Variants in ZZEF1 observed in about 807,000 individuals in gnomAD.
The protein encoded by ZZEF1 is zinc finger ZZ-type and EF-hand domain-containing protein 1.
ZZEF1 carries 157 observed loss-of-function variants against 342.8 expected under a neutral mutation model. The ratio of observed to expected loss-of-function variants is 0.46; its 90% CI spans 0.40 to 0.52. ZZEF1 has a LOEUF of 0.52. ZZEF1 is among the 20% of genes least tolerant of loss of function. ZZEF1 has a pLI of 0.00. For synonymous variants in ZZEF1, 1,505 were observed against 1,429.1 expected (o/e 1.05, Z -1.20); for missense variants, 3,480 against 3,725.6 (o/e 0.93, Z 1.72).
chr17:4,077,847 G>A (rs181481274), intron 19 of ZZEF1, 36 bp downstream of exon 19: 49 of 1,605,490 alleles, frequency 3.1e-5, no homozygotes, highest in Admixed American at 1.0e-4. Context: ...AAACCCAAAC[G>A]CCATCTGTTT....
At position 4,105,813 on chromosome 17, in the gene ZZEF1, G is replaced by A; in HGVS notation, c.1278-4C>T. 1.3e-6 allele frequency: 2 copies of A among 1,593,240 alleles called. No homozygotes were observed. The highest frequency in any genetic ancestry group is 1.7e-6 in the Non-Finnish European group (2 of 1,173,838). ...AGGCATGTGCCGCAGCGCCTTCCTA[G>A]AAGAGGAAAATGTAAAATGTAATCA... On this transcript the variant is annotated splice_region_variant and splice_polypyrimidine_tract_variant and intron_variant, in intron 6 of 54. Transcript: ENST00000381638.
At chr17:4,077,752 C>T (rs1485673109) in intron 19 of ZZEF1, 131 bp downstream of exon 19, 3 of 983,192 alleles carry the variant, frequency 3.1e-6, no homozygotes, top group Non-Finnish European at 4.5e-6. Context: ...TTAGACCAAA[C>T]CAGTCCAAGA....
rs2056263139 is a variant in ZZEF1 at position 4,021,285 on chromosome 17, C to G, written c.7248G>C (p.Glu2416Asp). The G allele has an allele frequency of 6.2e-7, 1 of 1,613,926 alleles. No individual in the cohort carries two copies. The highest frequency in any genetic ancestry group is 8.5e-7 in the Non-Finnish European group (1 of 1,179,990). ...LSIMLYSSKK[E>D]INALAEHGDL... ...CTCCGTGCTCAGCCAAAGCGTTGAT[C>G]TCCTTTTTTGAGGAGTACAGCATGA... The change falls in exon 45 of 55, where the codon GAG (glutamate) becomes GAC (aspartate). Residue 2416 changes from glutamate to aspartate, a missense_variant. Around this residue, in one of 5 missense-constraint regions of ZZEF1, gnomAD observed 1,269 missense variants for 1,342.4 expected, o/e 0.95. Transcript: ENST00000381638.
Position 4,042,421 on chromosome 17 carries a change from G to A in ZZEF1, c.6306+8C>T. The stretch of plus-strand genomic sequence containing the variant: ...CCACCCCCACTTTTAAAAATAAATT[G>A]CCCTTACCGACTTTAAGGGAGGTAA... On this transcript the variant is annotated splice_region_variant and intron_variant, in intron 39 of 54. Transcript: ENST00000381638. 6.2e-7 allele frequency: 1 copy of A among 1,606,934 alleles called. No homozygotes were observed. Among genetic ancestry groups the A allele is most frequent in the Non-Finnish European group, 8.5e-7 (1 of 1,177,718 alleles).
chr17:4,066,375 A>T, intron 28 of ZZEF1, 72 bp downstream of exon 28: 1 of 1,286,064 alleles, frequency 7.8e-7, no homozygotes, highest in Non-Finnish European at 1.1e-6. Context: ...CTAGAAGGTG[A>T]GTAATTGGTT....
At position 4,008,156 on chromosome 17, in the gene ZZEF1, A is replaced by G. The variant is rs7221546; in HGVS notation, c.8805+727T>C. On this transcript the variant is annotated intron_variant, in intron 54 of 54. Transcript: ENST00000381638. This position sits in a 1 kb window ranked among gnomAD's most constrained non-coding sequence, Gnocchi z 4.2. ...GACTGACTGCAGAAGCAGACATGAG[A>G]ACATGAGAATCCAGCTGTCTTCTAC... 73,693 of 152,024 alleles carry G rather than the reference A, an allele frequency of 0.48. 20,339 individuals are homozygous for G. The highest frequency in any genetic ancestry group is 0.77 in the African/African-American group (31,894 of 41,468). 9.4% of individuals were successfully genotyped at this position (152,024 alleles called of 1,614,324 possible).
At chr17:4,108,893 A>C (rs578155185) in intron 6 of ZZEF1, among the ~76,000 whole-genome samples, 1 of 152,296 alleles carries the variant, frequency 6.6e-6, no homozygotes, top group Admixed American at 6.5e-5. Flanking sequence ...CAAATCTCAA[A>C]AGATGTCTAG....
At chr17:4,102,702 C>T (rs533721198) in intron 8 of ZZEF1, among the ~76,000 whole-genome samples, 1 of 152,240 alleles carries the variant, frequency 6.6e-6, no homozygotes, top group South Asian at 2.1e-4. Flanking sequence ...AGGTTGATAA[C>T]ATAGATTGAA....
chr17:4,074,091 C>T (rs1202692287), intron 24 of ZZEF1, 59 bp downstream of exon 24: 9 of 1,583,304 alleles, frequency 5.7e-6, no homozygotes, highest in South Asian at 1.1e-5. Context: ...AGAGGGCAAG[C>T]GCGCATCTTG....
intron 30 of ZZEF1, among the ~76,000 whole-genome samples, chr17:4,061,026 C>T (rs1015530331): frequency 2.0e-5 from 3 of 152,344 alleles, no homozygotes; most frequent in African/African-American, 7.2e-5. Context: ...AAAAACTTCC[C>T]CGTTTCTCTG....
At chr17:4,023,589 G>A (rs1400880078) in intron 43 of ZZEF1, among the ~76,000 whole-genome samples, 2 of 150,694 alleles carry the variant, frequency 1.3e-5, no homozygotes, top group African/African-American at 4.9e-5. Context: ...AGAGGCGGAG[G>A]TGGAAGGATG....
At chr17:4,140,970 G>C (rs1005660166) in intron 1 of ZZEF1, among the ~76,000 whole-genome samples, 2 of 150,334 alleles carry the variant, frequency 1.3e-5, no homozygotes, top group Non-Finnish European at 2.9e-5. Context: ...ATGCAGTGGC[G>C]TGATCTCAGC....
At chr17:4,029,112 G>C (rs897827564) in intron 42 of ZZEF1, among the ~76,000 whole-genome samples, 1 of 152,126 alleles carries the variant, frequency 6.6e-6, no homozygotes, top group Non-Finnish European at 1.5e-5. Context: ...CCATTGACTT[G>C]ACCTAATTAA....
At chr17:4,058,322 A>C (rs2057211592) in intron 31 of ZZEF1, among the ~76,000 whole-genome samples, 167 bp from the exon 32 acceptor site, 1 of 152,168 alleles carries the variant, frequency 6.6e-6, no homozygotes, top group Non-Finnish European at 1.5e-5. Context: ...ACATCCTTCA[A>C]AGCTTACACA....
At chr17:4,052,847 A>G (rs1220741934) in intron 34 of ZZEF1, among the ~76,000 whole-genome samples, 1 of 148,166 alleles carries the variant, frequency 6.7e-6, no homozygotes, top group Admixed American at 6.7e-5. Flanking sequence ...AGCCTGAGGG[A>G]CAGAGTGAGA....
Position 4,066,450 on chromosome 17 carries a change from G to A in ZZEF1, c.4246C>T (p.Leu1416=), listed in dbSNP as rs1299076915. The stretch of plus-strand genomic sequence containing the variant: ...CAGCTGGTGTTAGCACACTCACCCA[G>A]GCTCTCAGGGTTCACCTCAGTAGCT... The part of the protein sequence containing the change: ...SEATEVNPES[L]AKECIEKSLL... Residue 1416 remains leucine, a synonymous_variant, in exon 28 of 55, where the codon CTG becomes TTG. Coordinates refer to ENST00000381638, the MANE Select transcript of ZZEF1 (RefSeq NM_015113.4). The A allele has an allele frequency of 1.2e-6, 2 of 1,613,948 alleles. No individual in the cohort carries two copies. Among genetic ancestry groups the A allele is most frequent in the African/African-American group, 2.7e-5 (2 of 74,898 alleles).
At chr17:4,092,135 T>C (rs2057956971) in intron 11 of ZZEF1, among the ~76,000 whole-genome samples, 1 of 151,220 alleles carries the variant, frequency 6.6e-6, no homozygotes, top group Non-Finnish European at 1.5e-5. Flanking sequence ...AAAGAGCAGT[T>C]TTTTCAAGTA....
At chr17:4,098,846 T>C (rs917759181) in intron 9 of ZZEF1, among the ~76,000 whole-genome samples, 6 of 152,212 alleles carry the variant, frequency 3.9e-5, no homozygotes, top group Non-Finnish European at 5.9e-5. Flanking sequence ...AGCAATTCTA[T>C]AGGCAATTTT....
chr17:4,117,955 A>G (rs1466372968), intron 2 of ZZEF1, among the ~76,000 whole-genome samples: 2 of 152,170 alleles, frequency 1.3e-5, no homozygotes, highest in African/African-American at 4.8e-5. Context: ...CACATACATC[A>G]TATCATTCCA....
Sources: allele counts gnomAD v4.1 joint callset (sites outside exome capture counted in the v4.1 genomes callset), GRCh38; gene constraint gnomAD v4.1.1; regional missense constraint gnomAD v4.1.1; non-coding constraint Gnocchi (gnomAD v3.1); transcripts MANE v1.5; gene names NCBI Gene and HGNC (gene_info 2026-07-23, HGNC 2026-07-21).